Variants in PCDH15 observed in about 807,000 individuals in gnomAD.
PCDH15 encodes protocadherin-15.
Under a neutral mutation model 178.5 loss-of-function variants are expected in PCDH15, and 129 were observed. The observed-to-expected ratio is 0.72, with a 90% CI of 0.63 to 0.84. The LOEUF (loss-of-function observed/expected upper bound fraction) is 0.84, where lower values mean the gene tolerates loss of function less well. Ranked by LOEUF, PCDH15 falls within the 40% of genes least tolerant of loss-of-function variation. The pLI is 0.00. For synonymous variants in PCDH15, 800 were observed against 732.0 expected, an observed-to-expected ratio of 1.09 and a Z score of -1.50; for missense variants, 2,230 against 2,099.9, an observed-to-expected ratio of 1.06 and a Z score of -1.21.
chr10:55,069,593 C>T (rs950569147), intron 2 of PCDH15, among the ~76,000 whole-genome samples: 2 of 144,352 alleles, frequency 1.4e-5, no homozygotes, highest in Non-Finnish European at 3.0e-5. Flanking sequence ...CATGTCCCTA[C>T]AAAGGACATG....
At chr10:53,857,089 C>T in intron 28 of PCDH15, 86 bp downstream of exon 28, 1 of 964,020 alleles carries the variant, frequency 1.0e-6, no homozygotes, top group Non-Finnish European at 1.6e-6. Flanking sequence ...CACATGTATC[C>T]CCTGAATCTA....
rs1001030957 is a variant in PCDH15 at position 55,342,157 on chromosome 10, T to G, written c.-155-175506A>C. 4.0e-5 allele frequency among the ~76,000 whole-genome samples: 6 copies of G among 151,800 alleles called. 1 individual carries two copies. Among genetic ancestry groups the G allele is most frequent in the East Asian group, 1.9e-4 (1 of 5,142 alleles). On this transcript the variant is annotated intron_variant, in intron 2 of 5. Coordinates refer to the PCDH15 transcript ENST00000613346. ...AATCAATTTTTTTAATATTTCTTTT[T>G]AGTAGCATTGTTTCTATTTTTCCTT...
At chr10:54,302,228 G>A (rs996529649) in intron 8 of PCDH15, among the ~76,000 whole-genome samples, 3 of 152,070 alleles carry the variant, frequency 2.0e-5, no homozygotes, top group Admixed American at 2.0e-4. Flanking sequence ...ATGTGTTTTA[G>A]GTGATGTTAT....
At chr10:54,811,467 T>A (rs532733397) in intron 3 of PCDH15, among the ~76,000 whole-genome samples, 185 of 152,242 alleles carry the variant, frequency 1.2e-3, no homozygotes, top group African/African-American at 4.0e-3. Context: ...TAAATAATTT[T>A]TTTTATTTTA....
intron 2 of PCDH15, among the ~76,000 whole-genome samples, chr10:55,351,220 T>C (rs1844924027): frequency 6.6e-6 from 1 of 151,712 alleles, no homozygotes; most frequent in Admixed American, 6.6e-5. Context: ...ATTTAAAATA[T>C]CTTATATCTT....
At chr10:54,224,306 CCTTT>C (rs2053198091) in intron 9 of PCDH15, among the ~76,000 whole-genome samples, 1 of 152,008 alleles carries the variant, frequency 6.6e-6, no homozygotes. Context: ...TTTGTGAAAA[CCTTT>C]TAATGAACCA....
intron 10 of PCDH15, among the ~76,000 whole-genome samples, chr10:54,213,250 T>C (rs777814016): frequency 7.9e-5 from 12 of 152,274 alleles, no homozygotes; most frequent in Admixed American, 2.0e-4. Context: ...CTTCACTGCT[T>C]AGATTAAATC....
chr10:55,061,807 G>T (rs1006998750), intron 2 of PCDH15, among the ~76,000 whole-genome samples: 6 of 152,148 alleles, frequency 3.9e-5, no homozygotes, highest in African/African-American at 1.4e-4. Context: ...GGATCACGAG[G>T]TCAAGAGATT....
intron 2 of PCDH15, among the ~76,000 whole-genome samples, chr10:55,041,526 T>C (rs572370018): frequency 2.6e-5 from 4 of 152,244 alleles, no homozygotes; most frequent in African/African-American, 9.6e-5. Context: ...AGCAATCACA[T>C]TGCAATCTTG....
chr10:55,077,561 T>C (rs924643764), intron 2 of PCDH15, among the ~76,000 whole-genome samples: 2 of 151,656 alleles, frequency 1.3e-5, no homozygotes, highest in African/African-American at 4.9e-5. Context: ...CCTTTCCTTC[T>C]TTCTTTGAGA....
At chr10:55,559,789 C>A (rs1388640364) in intron 2 of PCDH15, among the ~76,000 whole-genome samples, 2 of 151,846 alleles carry the variant, frequency 1.3e-5, no homozygotes, top group African/African-American at 2.4e-5. Context: ...CTCCTCTCAA[C>A]ACAGCTTTCT....
At chr10:54,596,350 A>G (rs2134004446) in intron 2 of PCDH15, among the ~76,000 whole-genome samples, 1 of 152,296 alleles carries the variant, frequency 6.6e-6, no homozygotes, top group Non-Finnish European at 1.5e-5. Flanking sequence ...AGAAATTTAT[A>G]TTTGGCTAAA....
intron 3 of PCDH15, among the ~76,000 whole-genome samples, chr10:54,423,399 G>C (rs1241867409): frequency 6.6e-6 from 1 of 151,806 alleles, no homozygotes; most frequent in Non-Finnish European, 1.5e-5. Context: ...CTAACGAAAG[G>C]GAGTTAGGTG....
At chr10:55,587,557 A>T (rs1361141900) in intron 2 of PCDH15, among the ~76,000 whole-genome samples, 1 of 152,184 alleles carries the variant, frequency 6.6e-6, no homozygotes, top group Non-Finnish European at 1.5e-5. Flanking sequence ...ATCCTTCTGA[A>T]ATAATCCTGG....
chr10:55,396,520 G>A (rs2132019879), intron 2 of PCDH15, among the ~76,000 whole-genome samples: 1 of 152,294 alleles, frequency 6.6e-6, no homozygotes, highest in Admixed American at 6.5e-5. Flanking sequence ...GTCATCCTCA[G>A]AGTCGCTAAA....
intron 1 of PCDH15, among the ~76,000 whole-genome samples, chr10:54,707,286 G>A (rs1439915267): frequency 1.3e-5 from 2 of 152,146 alleles, no homozygotes; most frequent in Non-Finnish European, 1.5e-5. Context: ...GGAAAAATGA[G>A]TAGTACATCA....
chr10:54,428,387 T>C (rs1956552278), intron 3 of PCDH15, among the ~76,000 whole-genome samples: 1 of 152,238 alleles, frequency 6.6e-6, no homozygotes, highest in Non-Finnish European at 1.5e-5. Flanking sequence ...GAATTTACAT[T>C]GTTTAGTATG....
At chr10:53,809,437 G>T (rs761946902) in intron 37 of PCDH15, 26 of 1,613,844 alleles carry the variant, frequency 1.6e-5, no homozygotes, top group Non-Finnish European at 2.2e-5. Flanking sequence ...CTTCCATGTT[G>T]TGTATGTAGG....
At chr10:54,000,496 T>G (rs901900404) in intron 20 of PCDH15, among the ~76,000 whole-genome samples, 7 of 152,026 alleles carry the variant, frequency 4.6e-5, no homozygotes, top group Non-Finnish European at 5.9e-5. Context: ...GAAATAATTT[T>G]AAAAATCAAG....
Sources: gnomAD v4.1 joint callset for allele counts (sites outside exome capture counted in the v4.1 genomes callset) on GRCh38, gnomAD v4.1.1 for gene constraint, MANE v1.5 for transcripts, NCBI Gene and HGNC (gene_info 2026-07-23, HGNC 2026-07-21) for gene names.